The following SGCD variants were observed in gnomAD, a reference collection of about 807,000 sequenced individuals.
SGCD encodes the protein sarcoglycan delta.
SGCD carries 18 observed loss-of-function variants against 36.6 expected under a neutral mutation model. The observed-to-expected ratio is 0.49, with a 90% confidence interval of 0.34 to 0.73. SGCD has a LOEUF of 0.73. SGCD is among the 30% of genes least tolerant of loss of function. The probability of loss-of-function intolerance (pLI) is 0.01; values close to 1 mark genes in which losing one functional copy is unlikely to be tolerated. For missense variants in SGCD, 387 were observed against 346.7 expected (o/e 1.12, Z -0.92); for synonymous variants, 133 against 130.6 (o/e 1.02, Z -0.12).
At chr5:156,448,198 C>T (rs1753830383) in intron 3 of SGCD, among the ~76,000 whole-genome samples, 1 of 152,176 alleles carries the variant, frequency 6.6e-6, no homozygotes, top group Admixed American at 6.5e-5. Context: ...ATTAGATGGT[C>T]CTGACTTTTC....
chr5:155,751,144 AAGTG>A, the SGCD span, among the ~76,000 whole-genome samples: 5 of 152,228 alleles, frequency 3.3e-5, no homozygotes, highest in African/African-American at 9.6e-5. Context: ...ATATGCACAC[AAGTG>A]AGTAACGGAT....
At chr5:156,154,382 G>A (rs1235861544) in intron 3 of SGCD, among the ~76,000 whole-genome samples, 1 of 151,660 alleles carries the variant, frequency 6.6e-6, no homozygotes, top group Non-Finnish European at 1.5e-5. Context: ...AGCACTAAGT[G>A]TTGTCTGTGG....
chr5:155,764,844 G>A, the SGCD span, among the ~76,000 whole-genome samples: 1 of 152,094 alleles, frequency 6.6e-6, no homozygotes, highest in Non-Finnish European at 1.5e-5. Flanking sequence ...GGGAGGCAGA[G>A]GAAATCATTC....
intron 3 of SGCD, among the ~76,000 whole-genome samples, chr5:156,487,464 AC>A (rs1755726853): frequency 6.6e-6 from 1 of 152,102 alleles, no homozygotes; most frequent in Non-Finnish European, 1.5e-5. Context: ...AAAACCTGAC[AC>A]CTCCAAAGGA....
rs541880118 is a variant in SGCD at position 156,171,797 on chromosome 5, C to T, written c.-44+47778C>T. Among the ~76,000 whole-genome samples, 5 of 152,236 alleles carry T rather than the reference C, an allele frequency of 3.3e-5. No homozygotes were observed. In the South Asian group the frequency reaches 1.0e-3, roughly 32 times the overall value. On this transcript the variant is annotated intron_variant, in intron 3 of 9. Transcript: ENST00000517913. ...TGGGATCTTCTTGTGCCTTTCAAAT[C>T]CAACTCTAGTGGCAATGTCCCAGGG...
chr5:156,304,820 G>A (rs1259196903), intron 3 of SGCD, among the ~76,000 whole-genome samples: 1 of 152,194 alleles, frequency 6.6e-6, no homozygotes, highest in Non-Finnish European at 1.5e-5. Context: ...GTCTCAGATG[G>A]AGATGAGGCG....
the SGCD span, among the ~76,000 whole-genome samples, chr5:155,849,449 C>T: frequency 6.7e-6 from 1 of 149,782 alleles, no homozygotes; most frequent in African/African-American, 2.5e-5. Context: ...TGCGCGCGCA[C>T]ACACACACAC....
At chr5:155,874,768 A>G (rs1271018309) in intron 1 of SGCD, among the ~76,000 whole-genome samples, 1 of 152,124 alleles carries the variant, frequency 6.6e-6, no homozygotes, top group South Asian at 2.1e-4. Flanking sequence ...AATACCAGGT[A>G]TTGGTGAGTA....
intron 1 of SGCD, among the ~76,000 whole-genome samples, chr5:156,082,629 G>C (rs78669099): frequency 0.02 from 3,068 of 152,216 alleles, 42 homozygotes; most frequent in Non-Finnish European, 0.035. Flanking sequence ...TTCATTTCTT[G>C]AATGACATCT....
intron 3 of SGCD, among the ~76,000 whole-genome samples, chr5:156,185,414 C>T (rs564273431): frequency 6.6e-6 from 1 of 152,018 alleles, no homozygotes; most frequent in East Asian, 2.0e-4. Context: ...CGGGGTTTCA[C>T]CACGTTAGCC....
chr5:156,464,249 C>T (rs1240716909), intron 3 of SGCD, among the ~76,000 whole-genome samples: 3 of 126,960 alleles, frequency 2.4e-5, no homozygotes, highest in Non-Finnish European at 3.2e-5. Context: ...GAGAAAGAGT[C>T]TCACCCTGTC....
At chr5:156,279,600 A>G (rs765176168) in intron 3 of SGCD, among the ~76,000 whole-genome samples, 2 of 152,212 alleles carry the variant, frequency 1.3e-5, no homozygotes, top group African/African-American at 2.4e-5. Context: ...CATAACCACC[A>G]GAATGTGTTC....
intron 7 of SGCD, among the ~76,000 whole-genome samples, chr5:156,744,786 A>C (rs534120427): frequency 4.6e-5 from 7 of 152,348 alleles, no homozygotes; most frequent in African/African-American, 1.7e-4. Context: ...GAAAGTTGGC[A>C]CATCCATAAT....
chr5:156,287,453 G>A (rs1766637786), intron 3 of SGCD, among the ~76,000 whole-genome samples: 1 of 152,124 alleles, frequency 6.6e-6, no homozygotes, highest in Non-Finnish European at 1.5e-5. Flanking sequence ...GAGAAAAAAT[G>A]AGGACTAAAA....
rs1046064575 is a variant in SGCD at position 156,431,804 on chromosome 5, C to T, written c.193-76797C>T. 1.1e-4 allele frequency among the ~76,000 whole-genome samples: 17 copies of T among 152,140 alleles called. 1 individual carries two copies. The highest frequency in any genetic ancestry group is 4.1e-4 in the African/African-American group (17 of 41,416). On this transcript the variant is annotated intron_variant, in intron 3 of 8. Coordinates refer to ENST00000337851, the MANE Select transcript of SGCD (RefSeq NM_000337.6). ...GATCTCGACTCAGTGCAACCTCTGC[C>T]TCCCCAGTTCAGGTGATTCTCCTGC...
At chr5:155,805,214 A>G in the SGCD span, among the ~76,000 whole-genome samples, 1 of 152,340 alleles carries the variant, frequency 6.6e-6, no homozygotes, top group African/African-American at 2.4e-5. Context: ...GACTTGGCAT[A>G]TTGGAGTTCA....
chr5:156,100,493 G>T (rs1247283585), intron 1 of SGCD, among the ~76,000 whole-genome samples: 1 of 152,032 alleles, frequency 6.6e-6, no homozygotes, highest in Non-Finnish European at 1.5e-5. Context: ...GCATATGGTG[G>T]GTGGCACTAG....
intron 3 of SGCD, among the ~76,000 whole-genome samples, chr5:156,311,705 G>T (rs1767394098): frequency 6.6e-6 from 1 of 152,056 alleles, no homozygotes; most frequent in Non-Finnish European, 1.5e-5. Context: ...CTGTATTTAA[G>T]TTCTATACAA....
chr5:156,277,079 T>C (rs1766337055), intron 3 of SGCD, among the ~76,000 whole-genome samples: 1 of 152,212 alleles, frequency 6.6e-6, no homozygotes, highest in Non-Finnish European at 1.5e-5. Flanking sequence ...TGTAAGGCCC[T>C]GCCAGACTGT....
Sources: gnomAD v4.1 joint callset for allele counts (sites outside exome capture counted in the v4.1 genomes callset) on GRCh38, gnomAD v4.1.1 for gene constraint, MANE v1.5 for transcripts, NCBI Gene and HGNC (gene_info 2026-07-23, HGNC 2026-07-21) for gene names.